The following UMAD1 variants were observed in gnomAD, a reference collection of about 807,000 sequenced individuals.
UMAD1 encodes the protein UBAP1-MVB12-associated (UMA)-domain containing protein 1.
UMAD1 carries 8 observed loss-of-function variants against 6.1 expected under a neutral mutation model. The observed-to-expected ratio is 1.30, with a 90% CI of 0.76 to 2.35. The LOEUF (loss-of-function observed/expected upper bound fraction) is 2.35, where lower values mean the gene tolerates loss of function less well. Ranked by LOEUF, UMAD1 falls within the 30% of genes most tolerant of loss-of-function variation. The probability of loss-of-function intolerance (pLI) is 0.00; values close to 1 mark genes in which losing one functional copy is unlikely to be tolerated. For missense variants in UMAD1, 130 were observed against 78.4 expected, an observed-to-expected ratio of 1.66 and a Z score of -2.49; for synonymous variants, 56 against 31.4, an observed-to-expected ratio of 1.78 and a Z score of -2.61.
intron 2 of UMAD1, among the ~76,000 whole-genome samples, chr7:7,760,425 A>AATAATG (rs961593561): frequency 7.1e-6 from 1 of 141,424 alleles, no homozygotes; most frequent in African/African-American, 2.6e-5. Context: ...TAATAATAAT[A>AATAATG]ATAATAATAA....
At chr7:7,707,999 G>A (rs1018535585) in intron 2 of UMAD1, among the ~76,000 whole-genome samples, 1 of 151,978 alleles carries the variant, frequency 6.6e-6, no homozygotes, top group Non-Finnish European at 1.5e-5. Flanking sequence ...TTTTTAATGC[G>A]GCTCCTCCTG....
intron 1 of UMAD1, among the ~76,000 whole-genome samples, chr7:7,667,047 G>T (rs1392250716): frequency 6.6e-6 from 1 of 152,178 alleles, no homozygotes; most frequent in Non-Finnish European, 1.5e-5. Flanking sequence ...AACCTCAGGT[G>T]ATCCACCCGC....
intron 3 of UMAD1, among the ~76,000 whole-genome samples, chr7:7,810,425 G>C (rs1447223879): frequency 6.6e-6 from 1 of 152,048 alleles, no homozygotes; most frequent in Non-Finnish European, 1.5e-5. Flanking sequence ...TATTCAGTCA[G>C]TGCAATATTT....
At chr7:7,648,838 G>A (rs542129791) in intron 1 of UMAD1, among the ~76,000 whole-genome samples, 11 of 151,284 alleles carry the variant, frequency 7.3e-5, no homozygotes, top group Non-Finnish European at 1.5e-4. Context: ...GGGCGACAGA[G>A]TGAGACCCTG....
chr7:7,865,174 G>A (rs1303432747), intron 3 of UMAD1, among the ~76,000 whole-genome samples: 1 of 152,160 alleles, frequency 6.6e-6, no homozygotes, highest in Non-Finnish European at 1.5e-5. Context: ...GGGGGTTGTG[G>A]GAATCCTTGA....
chr7:7,650,576 A>T (rs4720748), intron 1 of UMAD1, among the ~76,000 whole-genome samples: 1 of 152,100 alleles, frequency 6.6e-6, no homozygotes, highest in East Asian at 1.9e-4. Flanking sequence ...ACCTAATGCC[A>T]CTAAACCGTA....
At position 7,834,779 on chromosome 7, in the gene UMAD1, G is replaced by A. The variant is rs540074158; in HGVS notation, c.156+33036G>A. 3.9e-5 allele frequency among the ~76,000 whole-genome samples: 6 copies of A among 152,236 alleles called. No individual in the cohort carries two copies. In the East Asian group the frequency reaches 5.8e-4, roughly 15 times the overall value. On this transcript the variant is annotated intron_variant, in intron 3 of 3. Transcript: ENST00000682710. ...TAGGGCTTCAACATATGAATTGAACGTATGGGTGGGGGTGTGTAGGGTAGA... is the reference window on the plus strand; with the variant it reads ...TAGGGCTTCAACATATGAATTGAACATATGGGTGGGGGTGTGTAGGGTAGA...
intron 2 of UMAD1, among the ~76,000 whole-genome samples, chr7:7,762,311 A>T (rs912543613): frequency 4.6e-5 from 7 of 151,862 alleles, no homozygotes; most frequent in Non-Finnish European, 1.0e-4. Context: ...AAAGTTACTT[A>T]AAAAAAAATC....
chr7:7,757,335 G>A lies in UMAD1; in HGVS notation c.83-44335G>A, dbSNP rs118142185. On this transcript the variant is annotated intron_variant, in intron 2 of 3. Coordinates refer to ENST00000682710, the MANE Select transcript of UMAD1 (RefSeq NM_001302348.2). ...TTTTCTCATTTTTTAGAATGTTTCC[G>A]TCTAATCCTCTCTCTCAAAAGAAAC... is the stretch of plus-strand genomic sequence containing the variant. Among the ~76,000 whole-genome samples the A allele has an allele frequency of 1.2e-3, 185 of 152,108 alleles. No homozygotes were observed. In the South Asian group the frequency reaches 0.015, roughly 12 times the overall value.
At chr7:7,782,717 T>A (rs1011732837) in intron 2 of UMAD1, among the ~76,000 whole-genome samples, 1 of 151,628 alleles carries the variant, frequency 6.6e-6, no homozygotes, top group African/African-American at 2.4e-5. Flanking sequence ...GCAGAATGTC[T>A]TGTGTATAAC....
At chr7:7,867,594 A>G (rs1483409838) in intron 3 of UMAD1, among the ~76,000 whole-genome samples, 2 of 152,166 alleles carry the variant, frequency 1.3e-5, no homozygotes, top group African/African-American at 4.8e-5. Context: ...GAATTTAGCA[A>G]GAGAGTGATT....
intron 1 of UMAD1, among the ~76,000 whole-genome samples, chr7:7,666,641 G>C (rs1212154009): frequency 1.3e-5 from 2 of 151,978 alleles, no homozygotes; most frequent in African/African-American, 4.8e-5. Flanking sequence ...CATGTATCTT[G>C]CTAGGTGAAG....
intron 2 of UMAD1, among the ~76,000 whole-genome samples, chr7:7,697,649 A>G (rs1284874705): frequency 6.6e-6 from 1 of 152,248 alleles, no homozygotes; most frequent in Non-Finnish European, 1.5e-5. Context: ...TGATATTATC[A>G]CATTCATGTG....
At chr7:7,692,188 C>T (rs559906456) in intron 2 of UMAD1, among the ~76,000 whole-genome samples, 1 of 152,188 alleles carries the variant, frequency 6.6e-6, no homozygotes, top group South Asian at 2.1e-4. Context: ...AGCAGCTAGT[C>T]AGCAGGTAGA....
At chr7:7,657,557 T>G (rs1434224037) in intron 1 of UMAD1, among the ~76,000 whole-genome samples, 1 of 152,234 alleles carries the variant, frequency 6.6e-6, no homozygotes, top group Non-Finnish European at 1.5e-5. Context: ...CAACAGCATT[T>G]ATTACATAGG....
At chr7:7,725,263 C>T (rs1781118540) in intron 2 of UMAD1, among the ~76,000 whole-genome samples, 1 of 152,172 alleles carries the variant, frequency 6.6e-6, no homozygotes, top group South Asian at 2.1e-4. Flanking sequence ...GCCCATTTAT[C>T]GAGTGATCCG....
At chr7:7,667,307 G>A (rs938243341) in intron 1 of UMAD1, among the ~76,000 whole-genome samples, 1 of 152,150 alleles carries the variant, frequency 6.6e-6, no homozygotes, top group Admixed American at 6.5e-5. Context: ...AAAAAATACT[G>A]AAAACTACAG....
intron 2 of UMAD1, among the ~76,000 whole-genome samples, chr7:7,694,658 A>G (rs1201273159): frequency 2.0e-4 from 30 of 152,058 alleles, no homozygotes; most frequent in Admixed American, 1.2e-3. Flanking sequence ...TCTCTGCCTG[A>G]CTTATTTCAC....
rs574949899 is a variant in UMAD1, at chr7:7,762,563, C to G, written c.83-39107C>G. ...TTGTGCAAATTGCTATGGGATGCCT[C>G]ATGGAAATTACAAAGGTTTCGTTTG... On this transcript the variant is annotated intron_variant, in intron 2 of 3. Transcript: ENST00000682710. 2.0e-5 allele frequency among the ~76,000 whole-genome samples: 3 copies of G among 152,220 alleles called. No homozygotes were observed. In the East Asian group the frequency reaches 5.8e-4, roughly 29 times the overall value.
Sources: allele counts gnomAD v4.1 joint callset (sites outside exome capture counted in the v4.1 genomes callset), GRCh38; gene constraint gnomAD v4.1.1; transcripts MANE v1.5; gene names NCBI Gene and HGNC (gene_info 2026-07-23, HGNC 2026-07-21).